Variants in BCL2L13 observed in about 807,000 individuals in gnomAD.
BCL2L13 encodes BCL2 like 13, also known as bcl-2-like protein 13.
A neutral mutation model predicts 25.8 loss-of-function variants in BCL2L13; 13 were observed. The observed-to-expected ratio is 0.50, with a 90% CI of 0.33 to 0.80. BCL2L13 has a LOEUF of 0.80. Ranked by LOEUF, BCL2L13 falls within the 30% of genes least tolerant of loss-of-function variation. The pLI is 0.02. For synonymous variants in BCL2L13, 244 were observed against 230.3 expected (o/e 1.06, Z -0.54); for missense variants, 504 against 574.9 (o/e 0.88, Z 1.26).
At chr22:17,705,676 C>T (rs1404395868) in intron 6 of BCL2L13, among the ~76,000 whole-genome samples, 2 of 152,062 alleles carry the variant, frequency 1.3e-5, no homozygotes, top group Non-Finnish European at 2.9e-5. Context: ...CCTTAAGATA[C>T]TGTGTGCTGA....
At chr22:17,630,828 T>G (rs7286382) in intron 1 of BCL2L13, among the ~76,000 whole-genome samples, 8,884 of 151,952 alleles carry the variant, frequency 0.058, 403 homozygotes, top group African/African-American at 0.12. Context: ...CGACCTCAGG[T>G]GATCTGCCTG....
upstream of BCL2L13, among the ~76,000 whole-genome samples, chr22:17,636,185 A>C (rs192042303): frequency 1.8e-3 from 269 of 151,964 alleles, no homozygotes; most frequent in African/African-American, 6.2e-3. Flanking sequence ...GTAGCCAGGC[A>C]TAGTGGTGCA....
intron 6 of BCL2L13, among the ~76,000 whole-genome samples, chr22:17,722,278 G>A (rs2061160570): frequency 6.6e-6 from 1 of 151,774 alleles, no homozygotes; most frequent in Non-Finnish European, 1.5e-5. Context: ...ATCCAGGCTG[G>A]ACTACAGTGG....
chr22:17,663,661 A>C, intron 2 of BCL2L13, among the ~76,000 whole-genome samples: 1 of 126,920 alleles, frequency 7.9e-6, no homozygotes, highest in African/African-American at 2.8e-5. Flanking sequence ...ATTTCCTTTT[A>C]TTATTATCTT....
intron 5 of BCL2L13, among the ~76,000 whole-genome samples, chr22:17,697,017 G>C (rs1361806901): frequency 1.3e-5 from 2 of 151,952 alleles, no homozygotes; most frequent in Non-Finnish European, 2.9e-5. Context: ...GGAATTGTTT[G>C]TCATGAGTCA....
intron 6 of BCL2L13, among the ~76,000 whole-genome samples, chr22:17,710,897 AAAAT>A (rs1280389924): frequency 9.9e-5 from 15 of 152,222 alleles, no homozygotes; most frequent in East Asian, 5.8e-4. Context: ...AAAATAAAAA[AAAAT>A]AAATAAATAA....
At chr22:17,631,364 T>C (rs2058009978) in intron 1 of BCL2L13, among the ~76,000 whole-genome samples, 1 of 152,148 alleles carries the variant, frequency 6.6e-6, no homozygotes, top group East Asian at 1.9e-4. Flanking sequence ...CCCAAAGTGC[T>C]GGGATGACAG....
chr22:17,678,961 A>AC (rs1390862489), intron 2 of BCL2L13, among the ~76,000 whole-genome samples: 1 of 152,106 alleles, frequency 6.6e-6, no homozygotes, highest in East Asian at 1.9e-4. Context: ...CCCTTCCCCC[A>AC]CACCCAGGTA....
At chr22:17,662,267 A>T (rs2059093159) in intron 2 of BCL2L13, among the ~76,000 whole-genome samples, 1 of 152,126 alleles carries the variant, frequency 6.6e-6, no homozygotes, top group Admixed American at 6.6e-5. Context: ...TCACGAGGTC[A>T]GGAGATCGAG....
At position 17,728,742 on chromosome 22, in the gene BCL2L13, G is replaced by C. The variant is rs538495948; in HGVS notation, c.*1208G>C. 5.3e-5 allele frequency: 8 copies of C among 152,344 alleles called. No homozygotes were observed. In the South Asian group the frequency reaches 1.4e-3, roughly 28 times the overall value. The allele number at this position is 152,344 out of a possible 1,614,324, so 9.4% of individuals were successfully genotyped here. ...AAGAAGCTTGAATTTTAAGACTGAG[G>C]CTGCTCTGCAGATTCTAGTTTGGCT... On this transcript the variant is annotated 3_prime_UTR_variant, in exon 7 of 7. Transcript: ENST00000317582.
intron 6 of BCL2L13, among the ~76,000 whole-genome samples, chr22:17,715,147 TATATATATATATATATATATATA>T (rs1226853442): frequency 0.3 from 2,806 of 9,428 alleles, 168 homozygotes; most frequent in Admixed American, 0.35. Flanking sequence ...TATATATATA[TATATATATATATATATATATATA>T]TTTTTTTTTT....
At position 17,641,419 on chromosome 22, in the gene BCL2L13, T is replaced by G. The variant is rs562568277; in HGVS notation, c.-51+2533T>G. Among the ~76,000 whole-genome samples, 7 of 152,218 alleles carry G rather than the reference T, an allele frequency of 4.6e-5. No individual in the cohort carries two copies. In the East Asian group the frequency reaches 1.4e-3, roughly 29 times the overall value. ...TTTCTTGTTCTTCCTCAGACGGTAA[T>G]GTGCCAATAAGCCCATGAGGCAACA... On this transcript the variant is annotated intron_variant, in intron 1 of 6. Transcript: ENST00000317582.
At chr22:17,690,191 TG>T (rs1468488534) in intron 4 of BCL2L13, among the ~76,000 whole-genome samples, 2 of 151,800 alleles carry the variant, frequency 1.3e-5, no homozygotes, top group Admixed American at 1.3e-4. Flanking sequence ...CTGAGCATGG[TG>T]GCAGGTGCCT....
intron 6 of BCL2L13, among the ~76,000 whole-genome samples, chr22:17,725,023 G>C (rs1310313561): frequency 6.6e-6 from 1 of 152,196 alleles, no homozygotes; most frequent in Non-Finnish European, 1.5e-5. Flanking sequence ...ACACAACCCT[G>C]ATAAGCAGTA....
intron 3 of BCL2L13, 80 bp from the exon 4 acceptor site, chr22:17,688,906 T>C: frequency 7.0e-7 from 1 of 1,426,434 alleles, no homozygotes; most frequent in Non-Finnish European, 9.5e-7. Context: ...TAGCTGGGAT[T>C]ACAGGCATGT....
rs949074304 is a variant in BCL2L13, at chr22:17,729,020, C to T, written c.*1486C>T. On this transcript the variant is annotated 3_prime_UTR_variant, in exon 7 of 7. Transcript: ENST00000317582. The stretch of plus-strand genomic sequence containing the variant: ...GCCCGAGGGCCACGACGTCACTATG[C>T]AGGGCACACGTGGCTTGGTTTAAAA... The T allele has an allele frequency of 1.3e-5, 2 of 152,220 alleles. No homozygotes were observed. Among genetic ancestry groups the T allele is most frequent in the Admixed American group, 1.3e-4 (2 of 15,284 alleles). 9.4% of individuals were successfully genotyped at this position (152,220 alleles called of 1,614,324 possible).
intron 2 of BCL2L13, among the ~76,000 whole-genome samples, chr22:17,673,167 A>G (rs943473835): frequency 3.3e-5 from 5 of 152,156 alleles, no homozygotes; most frequent in Non-Finnish European, 5.9e-5. Flanking sequence ...GTAAAGTTCT[A>G]TGATTCAGTC....
chr22:17,687,866 A>G (rs2059991929), intron 3 of BCL2L13, among the ~76,000 whole-genome samples: 1 of 134,478 alleles, frequency 7.4e-6, no homozygotes, highest in Middle Eastern at 4.3e-3. Context: ...TGCCCAGGCT[A>G]GAGTGCAATG....
chr22:17,639,858 T>TTC (rs1207570806), intron 1 of BCL2L13, among the ~76,000 whole-genome samples: 1 of 130,330 alleles, frequency 7.7e-6, no homozygotes, highest in African/African-American at 3.3e-5. Flanking sequence ...CCTTCTTTCT[T>TTC]TTTTTTTTTT....
Sources: gnomAD v4.1 joint callset for allele counts (sites outside exome capture counted in the v4.1 genomes callset) on GRCh38, gnomAD v4.1.1 for gene constraint, MANE v1.5 for transcripts, NCBI Gene and HGNC (gene_info 2026-07-23, HGNC 2026-07-21) for gene names.